Variants in LOC128125817 observed in about 807,000 individuals in gnomAD.
chr1:41,588,975 G>A, the LOC128125817 span, among the ~76,000 whole-genome samples: 8 of 152,314 alleles, frequency 5.3e-5, no homozygotes, highest in South Asian at 1.0e-3. Context: ...GGAGACTTCT[G>A]TCTTGGAATG....
the LOC128125817 span, among the ~76,000 whole-genome samples, chr1:41,625,885 A>G: frequency 2.0e-5 from 3 of 152,378 alleles, no homozygotes; most frequent in South Asian, 6.2e-4. Context: ...TTCATAAACC[A>G]TCATTTTAAC....
the LOC128125817 span, among the ~76,000 whole-genome samples, chr1:41,618,093 A>G: frequency 2.6e-5 from 4 of 152,184 alleles, no homozygotes; most frequent in African/African-American, 7.2e-5. Flanking sequence ...CAAGAGAGGA[A>G]ACTTACCCAG....
the LOC128125817 span, among the ~76,000 whole-genome samples, chr1:41,597,330 C>T: frequency 6.6e-6 from 1 of 152,156 alleles, no homozygotes; most frequent in Admixed American, 6.5e-5. Context: ...AATGATGTAG[C>T]AAAAACTCTA....
the LOC128125817 span, among the ~76,000 whole-genome samples, chr1:41,603,808 G>A: frequency 1.3e-5 from 2 of 152,198 alleles, no homozygotes; most frequent in African/African-American, 4.8e-5. Context: ...CTGCTATTTG[G>A]TGGAATTTTT....
the LOC128125817 span, among the ~76,000 whole-genome samples, chr1:41,603,035 C>T: frequency 6.6e-6 from 1 of 151,838 alleles, no homozygotes; most frequent in African/African-American, 2.4e-5. Flanking sequence ...TTTCCTTCTG[C>T]TGTTGATTTC....
chr1:41,611,150 G>A, the LOC128125817 span, among the ~76,000 whole-genome samples: 5 of 152,194 alleles, frequency 3.3e-5, no homozygotes, highest in African/African-American at 1.2e-4. Flanking sequence ...GTCACGGGTT[G>A]TCCAGGGAAT....
At chr1:41,597,993 A>G in the LOC128125817 span, among the ~76,000 whole-genome samples, 2 of 152,104 alleles carry the variant, frequency 1.3e-5, no homozygotes, top group African/African-American at 2.4e-5. Flanking sequence ...TTTATATCCG[A>G]TTTTTCCCAT....
chr1:41,620,372 G>A, the LOC128125817 span, among the ~76,000 whole-genome samples: 1 of 152,184 alleles, frequency 6.6e-6, no homozygotes. Flanking sequence ...TTATTCTAAA[G>A]AGCAGCCCAA....
At chr1:41,606,938 A>T in the LOC128125817 span, among the ~76,000 whole-genome samples, 11 of 151,832 alleles carry the variant, frequency 7.2e-5, no homozygotes, top group African/African-American at 2.7e-4. Context: ...TTCCTGCCCT[A>T]AAGTCAGTAT....
At chr1:41,608,428 C>T in the LOC128125817 span, among the ~76,000 whole-genome samples, 1 of 152,242 alleles carries the variant, frequency 6.6e-6, no homozygotes, top group African/African-American at 2.4e-5. Flanking sequence ...TCAGACTTTC[C>T]TTAGAGAGCA....
the LOC128125817 span, among the ~76,000 whole-genome samples, chr1:41,588,309 C>T: frequency 2.0e-5 from 3 of 152,160 alleles, no homozygotes; most frequent in African/African-American, 7.2e-5. Flanking sequence ...CCCCAAAACA[C>T]CAGCTAGTGG....
the LOC128125817 span, among the ~76,000 whole-genome samples, chr1:41,601,352 T>C: frequency 6.6e-6 from 1 of 152,180 alleles, no homozygotes; most frequent in Non-Finnish European, 1.5e-5. Context: ...AGTATGGACA[T>C]GTTAACAATA....
At chr1:41,627,061 C>T in the LOC128125817 span, among the ~76,000 whole-genome samples, 3 of 152,210 alleles carry the variant, frequency 2.0e-5, no homozygotes, top group Admixed American at 1.3e-4. Context: ...GCAGCAGCAT[C>T]GGTCCCCGTG....
chr1:41,624,842 C>A, the LOC128125817 span, among the ~76,000 whole-genome samples: 1 of 152,162 alleles, frequency 6.6e-6, no homozygotes, highest in East Asian at 1.9e-4. Context: ...AACAATCTGT[C>A]ACCATTCACA....
At chr1:41,624,365 G>A in the LOC128125817 span, among the ~76,000 whole-genome samples, 5 of 152,172 alleles carry the variant, frequency 3.3e-5, no homozygotes, top group Non-Finnish European at 7.4e-5. Flanking sequence ...AACAGAAAAC[G>A]AGCACGTACA....
the LOC128125817 span, among the ~76,000 whole-genome samples, chr1:41,589,613 C>T: frequency 6.6e-6 from 1 of 152,236 alleles, no homozygotes; most frequent in African/African-American, 2.4e-5. Flanking sequence ...TGGGCTCTCT[C>T]AGGTAGACAA....
At chr1:41,590,460 C>A in the LOC128125817 span, among the ~76,000 whole-genome samples, 2 of 152,202 alleles carry the variant, frequency 1.3e-5, no homozygotes, top group African/African-American at 2.4e-5. Context: ...CCCTCCACCT[C>A]TCCATTTTGT....
chr1:41,607,945 G>C, the LOC128125817 span, among the ~76,000 whole-genome samples: 1 of 152,162 alleles, frequency 6.6e-6, no homozygotes, highest in South Asian at 2.1e-4. Flanking sequence ...ACGATAAAGG[G>C]GAGGGCAGAG....
At chr1:41,623,190 C>G in the LOC128125817 span, among the ~76,000 whole-genome samples, 3 of 152,204 alleles carry the variant, frequency 2.0e-5, no homozygotes, top group Non-Finnish European at 2.9e-5. Flanking sequence ...AAATCTACCC[C>G]AGCCGAGTCA....
Sources: allele counts gnomAD v4.1 joint callset (sites outside exome capture counted in the v4.1 genomes callset), GRCh38; gene constraint gnomAD v4.1.1; transcripts MANE v1.5.